Variants in CADM2 observed in about 807,000 individuals in gnomAD.
The protein encoded by CADM2 is cell adhesion molecule 2, also known as immunoglobulin superfamily member 4D.
Under a neutral mutation model 49.8 loss-of-function variants are expected in CADM2, and 12 were observed. The observed-to-expected ratio is 0.24, with a 90% CI of 0.15 to 0.39. CADM2 has a LOEUF of 0.39. CADM2 is among the 10% of genes least tolerant of loss of function. CADM2 has a pLI of 1.00. For synonymous variants in CADM2, 214 were observed against 175.4 expected, an observed-to-expected ratio of 1.22 and a Z score of -1.74; for missense variants, 378 against 492.3, an observed-to-expected ratio of 0.77 and a Z score of 2.20.
intron 8 of CADM2, among the ~76,000 whole-genome samples, chr3:86,043,007 A>G (rs949658610): frequency 6.6e-6 from 1 of 152,220 alleles, no homozygotes; most frequent in Non-Finnish European, 1.5e-5. Context: ...GATGCAGAAA[A>G]GGCCTTTGAT....
At chr3:85,559,668 A>G (rs999943119) in intron 1 of CADM2, among the ~76,000 whole-genome samples, 3 of 92,640 alleles carry the variant, frequency 3.2e-5, no homozygotes, top group Non-Finnish European at 5.0e-5. Flanking sequence ...ACACACACAC[A>G]CACACACACA....
intron 2 of CADM2, among the ~76,000 whole-genome samples, chr3:85,783,432 G>A (rs2070778581): frequency 1.3e-5 from 2 of 152,060 alleles, no homozygotes; most frequent in Non-Finnish European, 2.9e-5. Context: ...TTTGCTCCTG[G>A]GAGGAGATGA....
chr3:85,232,611 G>T (rs2042319899), intron 1 of CADM2, among the ~76,000 whole-genome samples: 1 of 151,976 alleles, frequency 6.6e-6, no homozygotes, highest in Admixed American at 6.6e-5. Context: ...ATGTGCAAAA[G>T]ATATGAATAG....
At chr3:85,883,714 C>G (rs1439593853) in intron 4 of CADM2, among the ~76,000 whole-genome samples, 1 of 152,156 alleles carries the variant, frequency 6.6e-6, no homozygotes, top group African/African-American at 2.4e-5. Context: ...CACCGGTTCT[C>G]TTGATTTCAG....
intron 2 of CADM2, among the ~76,000 whole-genome samples, chr3:85,771,270 G>C (rs1414341340): frequency 6.6e-6 from 1 of 151,912 alleles, no homozygotes; most frequent in Admixed American, 6.6e-5. Context: ...AAACCCATTG[G>C]TCAATTCACA....
intron 1 of CADM2, among the ~76,000 whole-genome samples, chr3:85,380,292 G>A (rs902781501): frequency 5.3e-5 from 8 of 151,812 alleles, no homozygotes; most frequent in Admixed American, 3.3e-4. Flanking sequence ...GCATACTAAA[G>A]GTAATCATAA....
chr3:85,195,438 T>A (rs149667685), intron 1 of CADM2, among the ~76,000 whole-genome samples: 2 of 152,116 alleles, frequency 1.3e-5, no homozygotes, highest in African/African-American at 4.8e-5. Context: ...GAAACCTCTG[T>A]GTCTCCCATG....
intron 2 of CADM2, among the ~76,000 whole-genome samples, chr3:85,789,435 T>TA (rs1413542292): frequency 5.7e-4 from 87 of 152,332 alleles, no homozygotes; most frequent in African/African-American, 2.0e-3. Context: ...AAGCCTGTTT[T>TA]AAAATCACAG....
intron 3 of CADM2, among the ~76,000 whole-genome samples, chr3:85,825,781 G>C (rs2073877612): frequency 6.6e-6 from 1 of 151,894 alleles, no homozygotes; most frequent in African/African-American, 2.4e-5. Flanking sequence ...TAGCTTTTGG[G>C]TTACAAATGT....
At chr3:85,113,369 T>C (rs928805366) in intron 1 of CADM2, among the ~76,000 whole-genome samples, 2 of 152,084 alleles carry the variant, frequency 1.3e-5, no homozygotes, top group African/African-American at 2.4e-5. Context: ...CCTATTGGAA[T>C]TGTTAAAATT....
intron 8 of CADM2, among the ~76,000 whole-genome samples, chr3:85,968,818 G>C (rs1185322452): frequency 2.6e-5 from 4 of 151,746 alleles, no homozygotes; most frequent in Non-Finnish European, 4.4e-5. Flanking sequence ...GCCCATGGGA[G>C]GAAATGTTGG....
intron 3 of CADM2, among the ~76,000 whole-genome samples, chr3:85,858,679 C>T (rs1410390960): frequency 2.0e-5 from 3 of 152,190 alleles, no homozygotes; most frequent in African/African-American, 4.8e-5. Flanking sequence ...TACAATTACA[C>T]TTTACTCACT....
At chr3:85,541,699 AT>A (rs1194295669) in intron 1 of CADM2, among the ~76,000 whole-genome samples, 5 of 142,226 alleles carry the variant, frequency 3.5e-5, no homozygotes, top group Non-Finnish European at 4.5e-5. Flanking sequence ...AGGGAATTAA[AT>A]TATATATATA....
At chr3:85,100,037 G>T (rs1455715023) in intron 1 of CADM2, among the ~76,000 whole-genome samples, 2 of 151,972 alleles carry the variant, frequency 1.3e-5, no homozygotes, top group African/African-American at 4.8e-5. Context: ...GAAGCAATCT[G>T]CTCTAGTCTT....
intron 1 of CADM2, among the ~76,000 whole-genome samples, chr3:85,212,867 T>TC (rs1491244603): frequency 1.9e-4 from 26 of 133,398 alleles, no homozygotes; most frequent in Non-Finnish European, 2.5e-4. Context: ...TCTTTCTTTC[T>TC]TTCTTTCTTT....
chr3:85,356,087 G>A (rs770893904), intron 1 of CADM2, among the ~76,000 whole-genome samples: 13 of 151,994 alleles, frequency 8.6e-5, no homozygotes, highest in Non-Finnish European at 1.8e-4. Context: ...TGCTTTTTCA[G>A]TCACAATTAG....
chr3:85,595,401 A>T (rs1436012495), intron 1 of CADM2, among the ~76,000 whole-genome samples: 2 of 152,090 alleles, frequency 1.3e-5, no homozygotes, highest in African/African-American at 2.4e-5. Flanking sequence ...CAAACAGTTC[A>T]CAGAACTATA....
At chr3:85,122,120 TTTA>T (rs1305070162) in intron 1 of CADM2, among the ~76,000 whole-genome samples, 4 of 152,070 alleles carry the variant, frequency 2.6e-5, no homozygotes. Flanking sequence ...TCTCATCCTG[TTTA>T]TAAGGAATTT....
chr3:85,070,669 T>A (rs2107471469), intron 1 of CADM2, among the ~76,000 whole-genome samples: 1 of 152,246 alleles, frequency 6.6e-6, no homozygotes, highest in East Asian at 1.9e-4. Flanking sequence ...GTAAGACTAA[T>A]ACTATAAATA....
Sources: gnomAD v4.1 joint callset for allele counts (sites outside exome capture counted in the v4.1 genomes callset) on GRCh38, gnomAD v4.1.1 for gene constraint, MANE v1.5 for transcripts, NCBI Gene and HGNC (gene_info 2026-07-23, HGNC 2026-07-21) for gene names.